The following ABL1 variants were observed in gnomAD, a reference collection of about 807,000 sequenced individuals.
The protein encoded by ABL1 is tyrosine-protein kinase ABL1.
Under a neutral mutation model 94.7 loss-of-function variants are expected in ABL1, and 11 were observed. That is an observed-to-expected ratio of 0.12 (90% CI 0.07 to 0.19). The LOEUF (loss-of-function observed/expected upper bound fraction) is 0.19. ABL1 is among the 10% of genes least tolerant of loss of function. ABL1 has a pLI of 1.00. For missense variants in ABL1, 1,082 were observed against 1,489.4 expected, an observed-to-expected ratio of 0.73 and a Z score of 4.50; for synonymous variants, 656 against 622.4, an observed-to-expected ratio of 1.05 and a Z score of -0.80.
chr9:130,754,597 C>T (rs569606125), intron 1 of ABL1, among the ~76,000 whole-genome samples: 3 of 151,042 alleles, frequency 2.0e-5, no homozygotes, highest in East Asian at 1.9e-4. Flanking sequence ...TTAGGAGCTG[C>T]GGATGGAAGT....
At chr9:130,766,379 G>A (rs1832183468) in intron 1 of ABL1, among the ~76,000 whole-genome samples, 1 of 152,198 alleles carries the variant, frequency 6.6e-6, no homozygotes, top group South Asian at 2.1e-4. Context: ...AGGAAAGAGT[G>A]GTAAACATGC....
Position 130,884,001 on chromosome 9 carries a change from T to C in ABL1, c.1711T>C (p.Leu571=), listed in dbSNP as rs1438608463. ...GGACCATGAGCCTGCCGTGTCTCCA[T>C]TGCTCCCTCGAAAAGAGCGAGGTCC... ...PLDHEPAVSP[L]LPRKERGPPE... Residue 571 remains leucine (L), a synonymous_variant, in exon 11 of 11, where the codon TTG becomes CTG. Coordinates refer to ENST00000318560, the MANE Select transcript of ABL1 (RefSeq NM_005157.6). This position sits in a 1 kb window ranked among gnomAD's most constrained non-coding sequence, Gnocchi z 5.6. 1.2e-6 allele frequency: 2 copies of C among 1,613,376 alleles called. No homozygotes were observed. Among genetic ancestry groups the C allele is most frequent in the Non-Finnish European group, 1.7e-6 (2 of 1,179,938 alleles).
In ABL1 at chr9:130,872,007, T is replaced by A. The variant is rs1034993751; in HGVS notation, c.823-122T>A. ...GAACCTGTCTGCAGCAATGTGGCTGTCACAAAACGCAGCCCAGGACGAGTA... is the reference window on the plus strand; with the variant it reads ...GAACCTGTCTGCAGCAATGTGGCTGACACAAAACGCAGCCCAGGACGAGTA... On this transcript the variant is annotated intron_variant, in intron 4 of 10. Transcript: ENST00000318560. This position sits in a 1 kb window ranked among gnomAD's most constrained non-coding sequence, Gnocchi z 5.0. 1 of 760,036 alleles carries A rather than the reference T, an allele frequency of 1.3e-6. No individual in the cohort carries two copies. Among genetic ancestry groups the A allele is most frequent in the African/African-American group, 1.7e-5 (1 of 57,694 alleles). 47.1% of individuals were successfully genotyped at this position (760,036 alleles called of 1,614,324 possible).
chr9:130,735,961 A>ATTT lies in ABL1; in HGVS notation c.136+21516_136+21518dup, dbSNP rs141181174. The stretch of plus-strand genomic sequence containing the variant: ...TATATATATATATATATATATATAT[A>ATTT]TTTTTTTTTTTTAAGACAGGGTCTG... On this transcript the variant is annotated intron_variant, in intron 1 of 10. Coordinates refer to the ABL1 transcript ENST00000372348. 3.8e-3 allele frequency among the ~76,000 whole-genome samples: 357 copies of ATTT among 94,832 alleles called. 3 individuals are homozygous for ATTT. The highest frequency in any genetic ancestry group is 6.5e-3 in the African/African-American group (102 of 15,674). 62.2% of individuals were successfully genotyped at this position (94,832 alleles called of 152,430 possible). A position where few individuals can be genotyped will look rare whatever the true frequency, so the allele number is the denominator to read the frequency against.
rs973742989 is a variant in ABL1, at chr9:130,872,734, T to C, written c.908-126T>C. 5 of 871,086 alleles carry C rather than the reference T, an allele frequency of 5.7e-6. No individual in the cohort carries two copies. Among genetic ancestry groups the C allele is most frequent in the African/African-American group, 3.4e-5 (2 of 58,920 alleles). The allele number at this position is 871,086 out of a possible 1,614,324, so 54.0% of individuals were successfully genotyped here. A position where few individuals can be genotyped will look rare whatever the true frequency, so the allele number is the denominator to read the frequency against. On this transcript the variant is annotated intron_variant, in intron 5 of 10. Coordinates refer to ENST00000318560, the MANE Select transcript of ABL1 (RefSeq NM_005157.6). This position sits in a 1 kb window ranked among gnomAD's most constrained non-coding sequence, Gnocchi z 5.0. The stretch of plus-strand genomic sequence containing the variant: ...CTCAGGATGCAGGTGCTTGGGACCA[T>C]GTTGGAAGTTGGGCCCAGGACTGAG...
chr9:130,743,070 A>G (rs1456505205), intron 1 of ABL1, among the ~76,000 whole-genome samples: 1 of 152,026 alleles, frequency 6.6e-6, no homozygotes, highest in Non-Finnish European at 1.5e-5. Flanking sequence ...TCTTACACTA[A>G]AGTTGATTCT....
chr9:130,776,108 A>G (rs1832307457), intron 1 of ABL1, among the ~76,000 whole-genome samples: 2 of 152,240 alleles, frequency 1.3e-5, no homozygotes, highest in Non-Finnish European at 2.9e-5. Flanking sequence ...GAATGTCTGC[A>G]ATGCAAGAAA....
At chr9:130,858,824 T>C (rs887884884) in intron 3 of ABL1, among the ~76,000 whole-genome samples, 1 of 152,228 alleles carries the variant, frequency 6.6e-6, no homozygotes, top group African/African-American at 2.4e-5. Flanking sequence ...GATTCTTCTG[T>C]AAGGCCCCAA....
At chr9:130,733,604 G>A (rs749638940) in intron 1 of ABL1, among the ~76,000 whole-genome samples, 104 of 122,962 alleles carry the variant, frequency 8.5e-4, no homozygotes, top group Non-Finnish European at 1.4e-3. Context: ...TTTTGAGACA[G>A]AGTCTCACTC....
At chr9:130,856,461 A>T (rs142710414) in intron 3 of ABL1, among the ~76,000 whole-genome samples, 1 of 152,148 alleles carries the variant, frequency 6.6e-6, no homozygotes, top group African/African-American at 2.4e-5. Context: ...AGCTCAAGCA[A>T]TCTGCCCTCC....
intron 1 of ABL1, among the ~76,000 whole-genome samples, chr9:130,839,733 A>G (rs889625821): frequency 6.6e-6 from 1 of 152,300 alleles, no homozygotes. Context: ...TTGAGGGTCT[A>G]TAAGATGATT....
intron 1 of ABL1, among the ~76,000 whole-genome samples, chr9:130,806,468 G>A: frequency 6.6e-6 from 1 of 152,108 alleles, no homozygotes; most frequent in African/African-American, 2.4e-5. Flanking sequence ...AGTAAGCCAG[G>A]CCAGCTCTAT....
chr9:130,817,576 G>A (rs1480744965), intron 1 of ABL1, among the ~76,000 whole-genome samples: 2 of 152,202 alleles, frequency 1.3e-5, no homozygotes, highest in African/African-American at 2.4e-5. Context: ...GGGTGGACGC[G>A]TCAGGTTGTA....
At chr9:130,832,381 A>C (rs868351843), upstream of ABL1, among the ~76,000 whole-genome samples, 1 of 151,776 alleles carries the variant, frequency 6.6e-6, no homozygotes, top group African/African-American at 2.4e-5. Context: ...ATTTTCTCCT[A>C]AGACATGTTT....
At chr9:130,799,447 T>A (rs962971198) in intron 1 of ABL1, among the ~76,000 whole-genome samples, 1 of 152,218 alleles carries the variant, frequency 6.6e-6, no homozygotes, top group African/African-American at 2.4e-5. Context: ...AAAGTCTTCA[T>A]GTACTTCTAA....
At chr9:130,835,075 C>G, upstream of ABL1, 1 of 308,952 alleles carries the variant, frequency 3.2e-6, no homozygotes. This position sits in a 1 kb window ranked among gnomAD's most constrained non-coding sequence, Gnocchi z 4.6. Context: ...CGGCCTTCCC[C>G]CTGCGAGGAT....
chr9:130,806,514 C>A (rs1830127094), intron 1 of ABL1, among the ~76,000 whole-genome samples: 1 of 152,168 alleles, frequency 6.6e-6, no homozygotes, highest in Non-Finnish European at 1.5e-5. Context: ...TGCATTCACA[C>A]ATTTAAAAAT....
chr9:130,724,422 G>A (rs753838952), intron 1 of ABL1, among the ~76,000 whole-genome samples: 1 of 151,702 alleles, frequency 6.6e-6, no homozygotes, highest in Non-Finnish European at 1.5e-5. Context: ...TCTGGTTCTG[G>A]GGTTTCTTTC....
At chr9:130,865,541 G>T (rs998024640) in intron 4 of ABL1, among the ~76,000 whole-genome samples, 3 of 152,266 alleles carry the variant, frequency 2.0e-5, no homozygotes, top group Admixed American at 6.5e-5. Context: ...GAGCCCAGGA[G>T]TTAAAGACCA....
Sources: allele counts gnomAD v4.1 joint callset (sites outside exome capture counted in the v4.1 genomes callset), GRCh38; gene constraint gnomAD v4.1.1; non-coding constraint Gnocchi (gnomAD v3.1); transcripts MANE v1.5; gene names NCBI Gene and HGNC (gene_info 2026-07-23, HGNC 2026-07-21).